The following KLF8 variants were observed in gnomAD, a reference collection of about 807,000 sequenced individuals.
KLF8 encodes the protein Krueppel-like factor 8.
In KLF8, 10 loss-of-function variants were observed where a neutral mutation model predicts 18.2. The observed-to-expected ratio is 0.55, with a 90% CI of 0.34 to 0.93. KLF8 has a LOEUF of 0.93. KLF8 is among the 40% of genes least tolerant of loss of function. The pLI is 0.02. For missense variants in KLF8, 264 were observed against 277.9 expected, an observed-to-expected ratio of 0.95 and a Z score of 0.36; for synonymous variants, 109 against 97.3, an observed-to-expected ratio of 1.12 and a Z score of -0.71.
chrX:56,177,980 T>A, the KLF8 span, among the ~76,000 whole-genome samples: 5 of 111,653 alleles, frequency 4.5e-5, no homozygotes, highest in South Asian at 1.9e-3. Context: ...AGTGACCCTA[T>A]TTTCCAGGTG....
At chrX:56,176,328 T>C in the KLF8 span, among the ~76,000 whole-genome samples, 3 of 111,819 alleles carry the variant, frequency 2.7e-5, no homozygotes, top group Non-Finnish European at 5.6e-5. Context: ...CATTTGCTTG[T>C]CTGTAAAGCA....
the KLF8 span, among the ~76,000 whole-genome samples, chrX:55,977,617 A>G: frequency 4.8e-4 from 53 of 111,237 alleles, no homozygotes; most frequent in African/African-American, 1.7e-3. Context: ...GAAAATTAGC[A>G]CTGGAAACTC....
At chrX:55,937,539 G>A in the KLF8 span, among the ~76,000 whole-genome samples, 1 of 112,484 alleles carries the variant, frequency 8.9e-6, no homozygotes, top group Non-Finnish European at 1.9e-5. Context: ...ACTTTGACGA[G>A]TTGAGAGAAG....
At chrX:56,057,375 G>T in the KLF8 span, among the ~76,000 whole-genome samples, 1 of 111,547 alleles carries the variant, frequency 9.0e-6, no homozygotes, top group African/African-American at 3.3e-5. Context: ...TGTAGCAGTG[G>T]AAGGGCAGGG....
chrX:56,206,807 G>A, the KLF8 span, among the ~76,000 whole-genome samples: 1 of 112,708 alleles, frequency 8.9e-6, no homozygotes, highest in Non-Finnish European at 1.9e-5. Flanking sequence ...TCTGTGTGGG[G>A]CCCCAACCCC....
At chrX:56,058,961 C>T in the KLF8 span, among the ~76,000 whole-genome samples, 98 of 111,908 alleles carry the variant, frequency 8.8e-4, no homozygotes, top group Non-Finnish European at 1.3e-3. Context: ...AATTGCCACT[C>T]CCACCAACAG....
chrX:56,079,659 C>T, the KLF8 span, among the ~76,000 whole-genome samples: 10 of 111,365 alleles, frequency 9.0e-5, no homozygotes, highest in Non-Finnish European at 1.9e-4. Context: ...CTATTAGGTC[C>T]ACTTGGTGCA....
At chrX:56,027,820 T>G in the KLF8 span, among the ~76,000 whole-genome samples, 1 of 112,726 alleles carries the variant, frequency 8.9e-6, no homozygotes, top group Non-Finnish European at 1.9e-5. Context: ...GTGGAAGGAT[T>G]TAGTGTGTTA....
intron 1 of KLF8, among the ~76,000 whole-genome samples, chrX:56,238,331 C>T (rs760779085): frequency 2.7e-5 from 3 of 110,757 alleles, no homozygotes; most frequent in South Asian, 3.9e-4. Flanking sequence ...CAAAATTAGC[C>T]GGGTGTGGTG....
intron 2 of KLF8, among the ~76,000 whole-genome samples, chrX:56,256,983 G>A (rs1245582254): frequency 3.6e-5 from 4 of 112,076 alleles, no homozygotes; most frequent in African/African-American, 9.7e-5. Context: ...GATTACAGGC[G>A]TGAGCCACCT....
chrX:55,910,076 C>T, the KLF8 span, among the ~76,000 whole-genome samples: 1 of 111,856 alleles, frequency 8.9e-6, no homozygotes, highest in Admixed American at 9.5e-5. Flanking sequence ...TTTGTTTGGT[C>T]AATGGAATGC....
At chrX:56,214,529 A>T in the KLF8 span, among the ~76,000 whole-genome samples, 1 of 112,350 alleles carries the variant, frequency 8.9e-6, no homozygotes. Flanking sequence ...AAACAAGGTG[A>T]TGAGGGTGGA....
At position 56,285,148 on chromosome X, in the gene KLF8, G is replaced by C. The variant is rs1165755293; in HGVS notation, c.*654G>C. On this transcript the variant is annotated 3_prime_UTR_variant, in exon 6 of 6. Transcript: ENST00000468660. ...CTTCTGCTTCTTAAGTTCATCAAGG[G>C]AATGAGGAGTTCTTGTCCTTCTCCT... 1 of 111,894 alleles carries C rather than the reference G, an allele frequency of 8.9e-6. No homozygotes were observed. Among genetic ancestry groups the C allele is most frequent in the Non-Finnish European group, 1.9e-5 (1 of 53,186 alleles). The allele number at this position is 111,894 out of a possible 1,213,427, so 9.2% of individuals were successfully genotyped here.
At chrX:56,006,785 C>T in the KLF8 span, among the ~76,000 whole-genome samples, 1,263 of 112,386 alleles carry the variant, frequency 0.011, 13 homozygotes, top group African/African-American at 0.039. Context: ...TTCCATTCTA[C>T]AGGTTGTCTC....
the KLF8 span, among the ~76,000 whole-genome samples, chrX:56,160,603 T>G: frequency 1.4e-3 from 162 of 111,803 alleles, 3 homozygotes; most frequent in East Asian, 0.028. Context: ...TTTAGGATAG[T>G]TAGCTGTTGT....
chrX:56,241,675 T>A (rs1168850788), intron 1 of KLF8, among the ~76,000 whole-genome samples: 1 of 112,037 alleles, frequency 8.9e-6, no homozygotes, highest in Non-Finnish European at 1.9e-5. Context: ...CTAAGTAGTT[T>A]ACTCAAAATG....
chrX:55,942,480 G>T, the KLF8 span, among the ~76,000 whole-genome samples: 2 of 110,090 alleles, frequency 1.8e-5, no homozygotes, highest in Admixed American at 9.8e-5. Context: ...TAACAAATCT[G>T]TACGTCATGC....
the KLF8 span, among the ~76,000 whole-genome samples, chrX:55,915,993 C>T: frequency 1.8e-5 from 2 of 111,772 alleles, no homozygotes; most frequent in African/African-American, 6.5e-5. Context: ...AGATAGCTCC[C>T]TCATCTCTCG....
chrX:56,242,715 C>T (rs999328875), intron 1 of KLF8, among the ~76,000 whole-genome samples: 3 of 111,746 alleles, frequency 2.7e-5, no homozygotes, highest in Non-Finnish European at 5.6e-5. Flanking sequence ...CTGTCACTGT[C>T]GTTCATACAT....
Sources: allele counts gnomAD v4.1 joint callset (sites outside exome capture counted in the v4.1 genomes callset), GRCh38; gene constraint gnomAD v4.1.1; transcripts MANE v1.5; gene names NCBI Gene and HGNC (gene_info 2026-07-23, HGNC 2026-07-21).